GRM7: variants seen among roughly 807,000 people sequenced by gnomAD.
GRM7 encodes glutamate metabotropic receptor 7, also known as metabotropic glutamate receptor 7.
Under a neutral mutation model 84.5 loss-of-function variants are expected in GRM7, and 35 were observed. That is an observed-to-expected ratio of 0.41 (90% CI 0.32 to 0.55). The LOEUF is 0.55. GRM7 is among the 20% of genes least tolerant of loss of function. The pLI is 0.19. For missense variants in GRM7, 1,003 were observed against 1,194.6 expected (o/e 0.84, Z 2.36); for synonymous variants, 487 against 455.1 (o/e 1.07, Z -0.89).
intron 2 of GRM7, among the ~76,000 whole-genome samples, chr3:7,237,409 C>T (rs913117012): frequency 4.6e-5 from 7 of 152,160 alleles, no homozygotes; most frequent in African/African-American, 1.4e-4. Context: ...AACCCCATGT[C>T]TTCCCTTTAA....
At chr3:7,556,328 A>G (rs1434338747) in intron 7 of GRM7, among the ~76,000 whole-genome samples, 1 of 152,154 alleles carries the variant, frequency 6.6e-6, no homozygotes, top group East Asian at 1.9e-4. Context: ...TTTAGGGGAT[A>G]TAAACATTCA....
intron 4 of GRM7, among the ~76,000 whole-genome samples, chr3:7,322,131 A>C (rs1273661745): frequency 2.0e-5 from 3 of 152,166 alleles, no homozygotes; most frequent in African/African-American, 7.2e-5. Context: ...GGATACCTAC[A>C]TGGAGATATT....
chr3:7,728,372 C>T (rs1702203920), intron 9 of GRM7, among the ~76,000 whole-genome samples: 1 of 152,184 alleles, frequency 6.6e-6, no homozygotes, highest in Admixed American at 6.5e-5. Context: ...ATGTTTCAAA[C>T]TATATACCTA....
chr3:6,958,406 AATTT>A (rs1164770488), intron 1 of GRM7, among the ~76,000 whole-genome samples: 1 of 152,158 alleles, frequency 6.6e-6, no homozygotes, highest in Non-Finnish European at 1.5e-5. Context: ...GGTGTACTAC[AATTT>A]ATTTATCTGT....
chr3:7,467,579 G>A (rs1460088456), intron 7 of GRM7, among the ~76,000 whole-genome samples: 1 of 151,970 alleles, frequency 6.6e-6, no homozygotes, highest in Non-Finnish European at 1.5e-5. Context: ...TCTTGGAGGC[G>A]GTTGCTTCCT....
intron 7 of GRM7, among the ~76,000 whole-genome samples, chr3:7,472,609 C>T (rs1309275423): frequency 6.6e-6 from 1 of 152,186 alleles, no homozygotes; most frequent in Admixed American, 6.5e-5. Flanking sequence ...AGGGTCCTTG[C>T]AGATGGCATA....
At chr3:7,204,532 C>G (rs1224739896) in intron 2 of GRM7, among the ~76,000 whole-genome samples, 1 of 152,208 alleles carries the variant, frequency 6.6e-6, no homozygotes, top group African/African-American at 2.4e-5. Context: ...TTAGTCAGCT[C>G]TGGAGGTTAG....
chr3:7,301,059 G>A (rs1294269039), intron 3 of GRM7, among the ~76,000 whole-genome samples: 1 of 151,650 alleles, frequency 6.6e-6, no homozygotes, highest in East Asian at 1.9e-4. Flanking sequence ...TCATTTTTAC[G>A]GTTTAGGCCT....
chr3:6,926,143 T>G (rs1697289969), intron 1 of GRM7, among the ~76,000 whole-genome samples: 1 of 152,172 alleles, frequency 6.6e-6, no homozygotes, highest in African/African-American at 2.4e-5. Context: ...AAAATCTATA[T>G]ATGTTTATTT....
intron 7 of GRM7, among the ~76,000 whole-genome samples, chr3:7,469,788 ATATATT>A (rs972660658): frequency 2.2e-4 from 34 of 152,216 alleles, no homozygotes; most frequent in Non-Finnish European, 3.8e-4. Context: ...ATTTTACAAA[ATATATT>A]TATAAATCAA....
chr3:7,542,797 C>T (rs1040508929), intron 7 of GRM7, among the ~76,000 whole-genome samples: 40 of 152,154 alleles, frequency 2.6e-4, no homozygotes, highest in African/African-American at 7.0e-4. Context: ...CTGCCTGCCT[C>T]GGCCTCCCAA....
At chr3:7,598,360 G>A (rs1696148937) in intron 8 of GRM7, among the ~76,000 whole-genome samples, 3 of 152,102 alleles carry the variant, frequency 2.0e-5, no homozygotes, top group Non-Finnish European at 2.9e-5. Flanking sequence ...ATGGATATCT[G>A]GTGAGCACTC....
chr3:7,409,675 A>G (rs553230000), intron 4 of GRM7, among the ~76,000 whole-genome samples: 1 of 152,140 alleles, frequency 6.6e-6, no homozygotes, highest in Non-Finnish European at 1.5e-5. Flanking sequence ...ATCTTGGCTC[A>G]CTGCAACCTC....
At chr3:7,506,896 C>G (rs2124972078) in intron 7 of GRM7, among the ~76,000 whole-genome samples, 1 of 152,220 alleles carries the variant, frequency 6.6e-6, no homozygotes, top group African/African-American at 2.4e-5. Flanking sequence ...AGTACATGAG[C>G]TTTTGGGGGA....
chr3:7,273,775 G>C (rs1276839076), intron 2 of GRM7, among the ~76,000 whole-genome samples: 1 of 151,888 alleles, frequency 6.6e-6, no homozygotes, highest in African/African-American at 2.4e-5. Context: ...GTGTGTGCTT[G>C]TGTACAACAT....
chr3:7,528,619 A>G (rs922888608), intron 7 of GRM7, among the ~76,000 whole-genome samples: 2 of 151,910 alleles, frequency 1.3e-5, no homozygotes, highest in South Asian at 2.1e-4. Context: ...TAAATTGTCA[A>G]TTTGAGATCT....
rs547787687 is a variant in GRM7 at position 6,881,450 on chromosome 3, G to A, written c.519+19543G>A. 7.2e-5 allele frequency among the ~76,000 whole-genome samples: 11 copies of A among 152,182 alleles called. No homozygotes were observed. In the South Asian group the frequency reaches 1.9e-3, roughly 26 times the overall value. On this transcript the variant is annotated intron_variant, in intron 1 of 9. Coordinates refer to ENST00000357716, the MANE Select transcript of GRM7 (RefSeq NM_000844.4). ...GATAATGTCTTCCAGCTTTATCCAC[G>A]TCCCTGCAAAGGACATTATATCATT...
intron 4 of GRM7, among the ~76,000 whole-genome samples, chr3:7,387,733 T>C (rs145850512): frequency 3.0e-4 from 45 of 152,338 alleles, no homozygotes; most frequent in African/African-American, 1.0e-3. Flanking sequence ...TGCCTACAGC[T>C]TTATTCTTTT....
At chr3:7,070,027 T>C (rs1339338613) in intron 1 of GRM7, among the ~76,000 whole-genome samples, 1 of 152,100 alleles carries the variant, frequency 6.6e-6, no homozygotes, top group Non-Finnish European at 1.5e-5. Context: ...GGGAAGCAGA[T>C]GGATGAGGTG....
Sources: allele counts gnomAD v4.1 joint callset (sites outside exome capture counted in the v4.1 genomes callset), GRCh38; gene constraint gnomAD v4.1.1; transcripts MANE v1.5; gene names NCBI Gene and HGNC (gene_info 2026-07-23, HGNC 2026-07-21).